The following RAB23 variants were observed in gnomAD, a reference collection of about 807,000 sequenced individuals.
The protein encoded by RAB23 is ras-related protein Rab-23.
A neutral mutation model predicts 30.0 loss-of-function variants in RAB23; 15 were observed. That is an observed-to-expected ratio of 0.50 (90% CI 0.33 to 0.77). The LOEUF is 0.77. Ranked by LOEUF, RAB23 falls within the 30% of genes least tolerant of loss-of-function variation. RAB23 has a pLI of 0.02. For synonymous variants in RAB23, 93 were observed against 94.0 expected, an observed-to-expected ratio of 0.99 and a Z score of 0.06; for missense variants, 243 against 275.4, an observed-to-expected ratio of 0.88 and a Z score of 0.83.
intron 6 of RAB23, 24 bp downstream of exon 6, chr6:57,193,818 G>A (rs1395941836): frequency 6.2e-7 from 1 of 1,609,792 alleles, no homozygotes; most frequent in Non-Finnish European, 8.5e-7. Flanking sequence ...AGTAAACATG[G>A]GCTAAAATTT....
intron 1 of RAB23, among the ~76,000 whole-genome samples, chr6:57,216,015 T>A (rs1158059359): frequency 6.6e-6 from 1 of 152,234 alleles, no homozygotes; most frequent in East Asian, 1.9e-4. Context: ...GGATTGCATA[T>A]ATAACAGTGG....
At position 57,187,709 on chromosome 6, in the gene RAB23, A is replaced by AGTTT. The variant is rs1346118967; in HGVS notation, c.*2748_*2751dup. On this transcript the variant is annotated 3_prime_UTR_variant, in exon 7 of 7. Transcript: ENST00000468148. ...ATTCTAAGGTCTTCAGAAAAGGTCC[A>AGTTT]GTTTCCTAAAACTCACAGGTCCAAG... The AGTTT allele has an allele frequency of 6.6e-6, 1 of 152,162 alleles. No homozygotes were observed. Among genetic ancestry groups the AGTTT allele is most frequent in the Non-Finnish European group, 1.5e-5 (1 of 68,014 alleles). 9.4% of individuals were successfully genotyped at this position (152,162 alleles called of 1,614,324 possible). A position where few individuals can be genotyped will look rare whatever the true frequency, so the allele number is the denominator to read the frequency against.
intron 1 of RAB23, among the ~76,000 whole-genome samples, chr6:57,218,575 A>C (rs2128008491): frequency 6.6e-6 from 1 of 152,296 alleles, no homozygotes; most frequent in African/African-American, 2.4e-5. Context: ...CTATAGGCCG[A>C]GCACAGTGGC....
At chr6:57,197,107 G>GA (rs1270020060) in intron 3 of RAB23, among the ~76,000 whole-genome samples, 2 of 151,850 alleles carry the variant, frequency 1.3e-5, no homozygotes, top group Non-Finnish European at 2.9e-5. Flanking sequence ...AAATTTATGA[G>GA]AAAAAAATCA....
chr6:57,207,041 G>A (rs1319692211), intron 3 of RAB23, among the ~76,000 whole-genome samples: 6 of 152,114 alleles, frequency 3.9e-5, no homozygotes, highest in Admixed American at 3.9e-4. Context: ...ACTGAAAATG[G>A]TGTTTTAAAT....
intron 4 of RAB23, among the ~76,000 whole-genome samples, chr6:57,195,151 T>C (rs1408872716): frequency 6.6e-6 from 1 of 152,206 alleles, no homozygotes; most frequent in African/African-American, 2.4e-5. Context: ...GACTTTTCTA[T>C]AAAGTCATTA....
In RAB23 at chr6:57,188,167, T is replaced by TAAGA. The variant is rs1199484225; in HGVS notation, c.*2290_*2293dup. ...ATGGTTTCATAAAATTAAAGTTATT[T>TAAGA]AAGAGAATGAAGGGTCTTGGAAAAA... On this transcript the variant is annotated 3_prime_UTR_variant, in exon 7 of 7. Transcript: ENST00000468148. 1 of 152,150 alleles carries TAAGA rather than the reference T, an allele frequency of 6.6e-6. No individual in the cohort carries two copies. Among genetic ancestry groups the TAAGA allele is most frequent in the Non-Finnish European group, 1.5e-5 (1 of 68,000 alleles). 9.4% of individuals were successfully genotyped at this position (152,150 alleles called of 1,614,324 possible). A position where few individuals can be genotyped will look rare whatever the true frequency, so the allele number is the denominator to read the frequency against.
intron 3 of RAB23, among the ~76,000 whole-genome samples, chr6:57,202,025 T>C (rs1025229470): frequency 3.3e-5 from 5 of 152,262 alleles, no homozygotes; most frequent in Non-Finnish European, 5.9e-5. Flanking sequence ...GGCTTTGATA[T>C]AATGGGTCTT....
chr6:57,218,416 T>C (rs1260716825), intron 1 of RAB23, among the ~76,000 whole-genome samples: 1 of 152,176 alleles, frequency 6.6e-6, no homozygotes, highest in Non-Finnish European at 1.5e-5. Context: ...AAACAATCAA[T>C]GTAATCCACC....
rs547881352 is a variant in RAB23 at position 57,207,586 on chromosome 6, A to G, written c.241+42T>C. On this transcript the variant is annotated intron_variant, in intron 3 of 6. Coordinates refer to ENST00000468148, the MANE Select transcript of RAB23 (RefSeq NM_016277.5). ...GCAAAATTATTTATTTAGCCAAAAT[A>G]ATATGCCCAAACAAAATAAATAAAT... The G allele has an allele frequency of 4.2e-4, 589 of 1,416,142 alleles. 10 individuals carry two copies. The South Asian group carries it at 6.5e-3, about 16-fold the overall frequency. 87.7% of individuals were successfully genotyped at this position (1,416,142 alleles called of 1,614,324 possible).
chr6:57,207,764 A>C, intron 2 of RAB23, 51 bp from the exon 3 acceptor site: 2 of 1,222,418 alleles, frequency 1.6e-6, no homozygotes, highest in Non-Finnish European at 2.4e-6. Context: ...TGTTTTTGGT[A>C]ATATAGCTTT....
chr6:57,204,494 G>A (rs1292919200), intron 3 of RAB23, among the ~76,000 whole-genome samples: 7 of 152,084 alleles, frequency 4.6e-5, no homozygotes, highest in African/African-American at 1.7e-4. Context: ...TTTCAATACA[G>A]GATGTTTAAA....
rs1270549450 is a variant in RAB23 at position 57,188,371 on chromosome 6, A to G, written c.*2090T>C. The G allele has an allele frequency of 6.6e-6, 1 of 152,158 alleles. No homozygotes were observed. Among genetic ancestry groups the G allele is most frequent in the Non-Finnish European group, 1.5e-5 (1 of 67,992 alleles). The allele number at this position is 152,158 out of a possible 1,614,324, so 9.4% of individuals were successfully genotyped here. On this transcript the variant is annotated 3_prime_UTR_variant, in exon 7 of 7. Coordinates refer to ENST00000468148, the MANE Select transcript of RAB23 (RefSeq NM_016277.5). ...CTCTTCAGTTCTTATTTAAAAAAAGATAAAACTAGGTACATAAAATTATAT... is the reference window on the plus strand; with the variant it reads ...CTCTTCAGTTCTTATTTAAAAAAAGGTAAAACTAGGTACATAAAATTATAT...
chr6:57,190,844 A>C (rs1764813538), intron 6 of RAB23, among the ~76,000 whole-genome samples: 1 of 152,072 alleles, frequency 6.6e-6, no homozygotes, highest in South Asian at 2.1e-4. Context: ...CATCTTTAAA[A>C]CTGAAACTCA....
intron 3 of RAB23, among the ~76,000 whole-genome samples, chr6:57,197,627 T>A (rs1765072595): frequency 6.6e-6 from 1 of 152,188 alleles, no homozygotes; most frequent in African/African-American, 2.4e-5. Flanking sequence ...TATATATCAC[T>A]GGGGGAATAC....
In RAB23 at chr6:57,188,251, C is replaced by T. The variant is rs1445411927; in HGVS notation, c.*2210G>A. 1.3e-5 allele frequency: 2 copies of T among 152,076 alleles called. No individual in the cohort carries two copies. The highest frequency in any genetic ancestry group is 6.5e-5 in the Admixed American group (1 of 15,276). 9.4% of individuals were successfully genotyped at this position (152,076 alleles called of 1,614,324 possible). A position where few individuals can be genotyped will look rare whatever the true frequency, so the allele number is the denominator to read the frequency against. Reference sequence around the variant, plus strand: ...TAAATTGAGAAATTAACATGGCTGACTTTCAGGCCTACTTAATTATTTTAA... The same window carrying T: ...TAAATTGAGAAATTAACATGGCTGATTTTCAGGCCTACTTAATTATTTTAA... On this transcript the variant is annotated 3_prime_UTR_variant, in exon 7 of 7. Coordinates refer to ENST00000468148, the MANE Select transcript of RAB23 (RefSeq NM_016277.5).
At chr6:57,191,664 G>A (rs1192905128) in intron 6 of RAB23, among the ~76,000 whole-genome samples, 1 of 152,050 alleles carries the variant, frequency 6.6e-6, no homozygotes, top group Non-Finnish European at 1.5e-5. Flanking sequence ...TACCCAGGCT[G>A]GTCTCAAAGT....
rs773517929 is a variant in RAB23 at position 57,188,103 on chromosome 6, A to AATC, written c.*2355_*2357dup. ...AAAGTAGATTAGAGCACAAATGCAC[A>AATC]ATCACCTGGAATCTTGGAAAAGTTT... is the stretch of plus-strand genomic sequence containing the variant. On this transcript the variant is annotated 3_prime_UTR_variant, in exon 7 of 7. Coordinates refer to ENST00000468148, the MANE Select transcript of RAB23 (RefSeq NM_016277.5). The AATC allele has an allele frequency of 2.0e-5, 3 of 152,322 alleles. No homozygotes were observed. The highest frequency in any genetic ancestry group is 1.9e-4 in the East Asian group (1 of 5,190). The allele number at this position is 152,322 out of a possible 1,614,324, so 9.4% of individuals were successfully genotyped here.
intron 3 of RAB23, among the ~76,000 whole-genome samples, chr6:57,205,074 A>G (rs1013382845): frequency 2.0e-5 from 3 of 150,954 alleles, no homozygotes; most frequent in Admixed American, 1.3e-4. Flanking sequence ...GTATATATAC[A>G]TATACATATA....
Sources: allele counts gnomAD v4.1 joint callset (sites outside exome capture counted in the v4.1 genomes callset), GRCh38; gene constraint gnomAD v4.1.1; transcripts MANE v1.5; gene names NCBI Gene and HGNC (gene_info 2026-07-23, HGNC 2026-07-21).